NCEH1: variants seen among roughly 807,000 people sequenced by gnomAD.
The protein encoded by NCEH1 is 2-acetyl MAGE hydrolase.
NCEH1 carries 9 observed loss-of-function variants against 25.4 expected under a neutral mutation model. That is an observed-to-expected ratio of 0.35 (90% CI 0.21 to 0.62). NCEH1 has a LOEUF of 0.62. Among genes scored for constraint, NCEH1 ranks in the 20% least tolerant of loss-of-function variants. The probability of loss-of-function intolerance (pLI) is 0.72; values close to 1 mark genes in which losing one functional copy is unlikely to be tolerated. For missense variants in NCEH1, 412 were observed against 501.1 expected (o/e 0.82, Z 1.70); for synonymous variants, 200 against 199.8 (o/e 1.00, Z -0.01).
chr3:172,687,827 G>C (rs193150922), intron 1 of NCEH1, among the ~76,000 whole-genome samples: 80 of 152,196 alleles, frequency 5.3e-4, no homozygotes, highest in African/African-American at 1.4e-3. Context: ...AAAATAACAT[G>C]TGCAGGTCAG....
At chr3:172,675,537 G>A (rs551155935) in intron 1 of NCEH1, among the ~76,000 whole-genome samples, 8 of 152,116 alleles carry the variant, frequency 5.3e-5, no homozygotes, top group African/African-American at 1.9e-4. Context: ...TCAGAAAAAT[G>A]TATGTTGTAA....
chr3:172,657,269 CT>C (rs1717739497), intron 1 of NCEH1, among the ~76,000 whole-genome samples: 2 of 152,164 alleles, frequency 1.3e-5, no homozygotes, highest in Admixed American at 1.3e-4. Flanking sequence ...CTTTCTCAAG[CT>C]TCCATACATA....
chr3:172,675,435 A>G (rs910665830), intron 1 of NCEH1, among the ~76,000 whole-genome samples: 1 of 141,570 alleles, frequency 7.1e-6, no homozygotes, highest in African/African-American at 2.5e-5. Flanking sequence ...AATTTTTAAA[A>G]AATTTTACAA....
chr3:172,690,323 T>C (rs527476927), intron 1 of NCEH1, among the ~76,000 whole-genome samples: 14 of 152,284 alleles, frequency 9.2e-5, no homozygotes, highest in African/African-American at 2.2e-4. Context: ...TAAATATTCA[T>C]TGAAGGAATG....
intron 1 of NCEH1, among the ~76,000 whole-genome samples, chr3:172,700,095 ACTAG>A (rs1172909266): frequency 6.6e-6 from 1 of 152,254 alleles, no homozygotes; most frequent in Admixed American, 6.5e-5. Flanking sequence ...CAGATGGGGC[ACTAG>A]CTATCAATGT....
chr3:172,693,530 C>G (rs543055), intron 1 of NCEH1, among the ~76,000 whole-genome samples: 31,953 of 151,538 alleles, frequency 0.21, 3,636 homozygotes, highest in African/African-American at 0.26. Flanking sequence ...ACTCATAATA[C>G]CCAAATGAAA....
intron 1 of NCEH1, among the ~76,000 whole-genome samples, chr3:172,667,871 C>T (rs1441429376): frequency 6.6e-6 from 1 of 152,170 alleles, no homozygotes; most frequent in Non-Finnish European, 1.5e-5. Flanking sequence ...GTAAGATCAA[C>T]CCAGCTCTTT....
chr3:172,684,876 G>A (rs1396343353), intron 1 of NCEH1, among the ~76,000 whole-genome samples: 2 of 152,104 alleles, frequency 1.3e-5, no homozygotes, highest in East Asian at 3.8e-4. Context: ...AGCTACTTGG[G>A]AGGCTGAGAC....
At chr3:172,702,066 A>G (rs558629014) in intron 1 of NCEH1, among the ~76,000 whole-genome samples, 1 of 152,272 alleles carries the variant, frequency 6.6e-6, no homozygotes, top group African/African-American at 2.4e-5. Context: ...TCTGGTTTCT[A>G]TTATAAGGAA....
intron 1 of NCEH1, among the ~76,000 whole-genome samples, chr3:172,678,884 T>G (rs1712174671): frequency 6.6e-6 from 1 of 152,168 alleles, no homozygotes. Context: ...AAATAGCACT[T>G]GAACATAAAT....
At position 172,630,551 on chromosome 3, in the gene NCEH1, G is replaced by T. The variant is rs997511269; in HGVS notation, c.*2924C>A. Reference sequence around the variant, plus strand: ...AGCTGGAGTACTCCACTGGGCAGAAGATTGGGAAAGAATTGTGGCTGGCAA... The same window carrying T: ...AGCTGGAGTACTCCACTGGGCAGAATATTGGGAAAGAATTGTGGCTGGCAA... On this transcript the variant is annotated 3_prime_UTR_variant, in exon 5 of 5. Transcript: ENST00000475381. The T allele has an allele frequency of 2.0e-5, 3 of 152,236 alleles. No individual in the cohort carries two copies. The highest frequency in any genetic ancestry group is 4.4e-5 in the Non-Finnish European group (3 of 68,050). 9.4% of individuals were successfully genotyped at this position (152,236 alleles called of 1,614,324 possible). A position where few individuals can be genotyped will look rare whatever the true frequency, so the allele number is the denominator to read the frequency against.
chr3:172,659,037 G>T (rs138612553), intron 1 of NCEH1, among the ~76,000 whole-genome samples: 1 of 151,884 alleles, frequency 6.6e-6, no homozygotes, highest in South Asian at 2.1e-4. Flanking sequence ...ACCACGGGGG[G>T]TCAGTGAATC....
intron 1 of NCEH1, among the ~76,000 whole-genome samples, chr3:172,682,879 G>C (rs1202506151): frequency 6.6e-6 from 1 of 152,194 alleles, no homozygotes; most frequent in Non-Finnish European, 1.5e-5. Context: ...TTGTCATGTA[G>C]CTTTTAGAAC....
chr3:172,677,222 T>C (rs554940470), intron 1 of NCEH1, among the ~76,000 whole-genome samples: 2 of 152,172 alleles, frequency 1.3e-5, no homozygotes, highest in African/African-American at 4.8e-5. Context: ...AGAAGTTGGG[T>C]TAATCTTCTG....
chr3:172,640,985 T>C (rs1460470687), intron 3 of NCEH1, among the ~76,000 whole-genome samples: 1 of 152,072 alleles, frequency 6.6e-6, no homozygotes, highest in East Asian at 1.9e-4. Flanking sequence ...TCCTTTTCAT[T>C]AAAAGAACAT....
chr3:172,634,757 T>G (rs1716528200), intron 4 of NCEH1, among the ~76,000 whole-genome samples: 1 of 152,164 alleles, frequency 6.6e-6, no homozygotes, highest in Admixed American at 6.5e-5. Context: ...AATTCTAGTG[T>G]GCAAAATTAT....
intron 1 of NCEH1, among the ~76,000 whole-genome samples, chr3:172,668,843 G>A (rs368634334): frequency 2.9e-4 from 44 of 152,220 alleles, no homozygotes; most frequent in African/African-American, 1.0e-3. Flanking sequence ...AAGGCAGAGC[G>A]TGAGCAAGCT....
chr3:172,672,565 A>G (rs1331844013), intron 1 of NCEH1, among the ~76,000 whole-genome samples: 1 of 152,222 alleles, frequency 6.6e-6, no homozygotes, highest in Non-Finnish European at 1.5e-5. Flanking sequence ...CCTGAAGGAC[A>G]GTTTTATTAC....
rs1482186577 is a variant in NCEH1 at position 172,639,268 on chromosome 3, A to G, written c.438-3181T>C. Among the ~76,000 whole-genome samples the G allele has an allele frequency of 2.0e-5, 3 of 149,606 alleles. No individual in the cohort carries two copies. The East Asian group carries it at 5.9e-4, about 29-fold the overall frequency. On this transcript the variant is annotated intron_variant, in intron 3 of 4. Transcript: ENST00000475381. ...AGCCGAGATCACGCCACTGCACTCC[A>G]GACTGGTGACAGAGTGAGGCTCCGT... is the stretch of plus-strand genomic sequence containing the variant.
Sources: allele counts gnomAD v4.1 joint callset (sites outside exome capture counted in the v4.1 genomes callset), GRCh38; gene constraint gnomAD v4.1.1; transcripts MANE v1.5; gene names NCBI Gene and HGNC (gene_info 2026-07-23, HGNC 2026-07-21).